LSM14A: variants seen among roughly 807,000 people sequenced by gnomAD.
LSM14A encodes the protein LSM14A mRNA processing body assembly factor.
In LSM14A, 14 loss-of-function variants were observed where a neutral mutation model predicts 52.4. The ratio of observed to expected loss-of-function variants is 0.27; its 90% confidence interval spans 0.18 to 0.42. LSM14A has a LOEUF of 0.42. Among genes scored for constraint, LSM14A ranks in the 10% least tolerant of loss-of-function variants. The probability of loss-of-function intolerance (pLI) is 1.00; values close to 1 mark genes in which losing one functional copy is unlikely to be tolerated. For missense variants in LSM14A, 417 were observed against 581.8 expected (o/e 0.72, Z 2.91); for synonymous variants, 185 against 200.3 (o/e 0.92, Z 0.64).
intron 9 of LSM14A, among the ~76,000 whole-genome samples, chr19:34,222,866 G>A (rs1184742385): frequency 2.0e-5 from 3 of 152,032 alleles, no homozygotes; most frequent in Non-Finnish European, 4.4e-5. Flanking sequence ...AATAGCCCTC[G>A]CTTATCACTG....
chr19:34,227,300 A>G, intron 9 of LSM14A, 65 bp from the exon 10 acceptor site: 1 of 1,092,032 alleles, frequency 9.2e-7, no homozygotes, highest in Non-Finnish European at 1.4e-6. Flanking sequence ...AAACTTGAGC[A>G]AAGTAAAAAG....
chr19:34,210,790 T>C (rs567771500), intron 4 of LSM14A, among the ~76,000 whole-genome samples: 2 of 151,518 alleles, frequency 1.3e-5, no homozygotes, highest in African/African-American at 4.8e-5. Flanking sequence ...AAGGCTGGTC[T>C]GGAACTCCTG....
intron 1 of LSM14A, among the ~76,000 whole-genome samples, chr19:34,178,371 G>A (rs542104926): frequency 1.6e-4 from 24 of 152,204 alleles, no homozygotes; most frequent in Admixed American, 3.9e-4. Flanking sequence ...TTTGATCCTC[G>A]GAACCTAAGC....
chr19:34,221,115 T>C (rs952102777), intron 8 of LSM14A, among the ~76,000 whole-genome samples: 1 of 145,068 alleles, frequency 6.9e-6, no homozygotes, highest in African/African-American at 2.6e-5. Context: ...GGAGTTTCGC[T>C]CTTGTCACCC....
At chr19:34,221,064 A>G (rs894421881) in intron 8 of LSM14A, among the ~76,000 whole-genome samples, 3 of 150,298 alleles carry the variant, frequency 2.0e-5, no homozygotes, top group Non-Finnish European at 3.0e-5. Context: ...ACAACTCGTG[A>G]TAACTTAGAT....
chr19:34,189,794 A>G (rs1311103631), intron 1 of LSM14A, among the ~76,000 whole-genome samples: 1 of 152,184 alleles, frequency 6.6e-6, no homozygotes, highest in Non-Finnish European at 1.5e-5. Context: ...TTTAAGCACT[A>G]ATGTAAACCT....
At chr19:34,210,773 T>C (rs1489682965) in intron 4 of LSM14A, among the ~76,000 whole-genome samples, 2 of 151,300 alleles carry the variant, frequency 1.3e-5, no homozygotes, top group East Asian at 4.0e-4. Context: ...GGTTTCGCCA[T>C]GTTGCCAAGG....
chr19:34,199,011 CAG>C (rs1208180556), intron 3 of LSM14A, among the ~76,000 whole-genome samples: 1 of 151,930 alleles, frequency 6.6e-6, no homozygotes, highest in Non-Finnish European at 1.5e-5. Flanking sequence ...AAAAACCACA[CAG>C]AGGAAAAAAT....
intron 4 of LSM14A, 36 bp from the exon 5 acceptor site, chr19:34,215,088 A>G: frequency 4.5e-6 from 7 of 1,556,180 alleles, no homozygotes; most frequent in Non-Finnish European, 6.1e-6. Flanking sequence ...TGAAATCCCC[A>G]ATAGGGTAGT....
intron 4 of LSM14A, among the ~76,000 whole-genome samples, chr19:34,212,322 C>T (rs185961453): frequency 6.6e-6 from 1 of 152,108 alleles, no homozygotes; most frequent in African/African-American, 2.4e-5. Context: ...AAGAATTCAT[C>T]TTAAAAGAAT....
intron 4 of LSM14A, 144 bp downstream of exon 4, chr19:34,209,195 A>G: frequency 1.7e-6 from 1 of 572,936 alleles, no homozygotes; most frequent in Non-Finnish European, 3.0e-6. Flanking sequence ...AAATCGCTGT[A>G]TTGCAATGAA....
chr19:34,173,085 C>G (rs749179903), intron 1 of LSM14A, among the ~76,000 whole-genome samples: 6 of 152,252 alleles, frequency 3.9e-5, no homozygotes, highest in Non-Finnish European at 8.8e-5. Flanking sequence ...GGGCTTCTGC[C>G]GTCTTAGCAC....
chr19:34,213,461 A>G (rs945975426), intron 4 of LSM14A, among the ~76,000 whole-genome samples: 3 of 152,246 alleles, frequency 2.0e-5, no homozygotes, highest in Admixed American at 2.0e-4. Flanking sequence ...TCCCTGAATC[A>G]TCTAGGTACA....
intron 4 of LSM14A, 67 bp downstream of exon 4, chr19:34,209,118 G>GT: frequency 7.3e-7 from 1 of 1,377,574 alleles, no homozygotes; most frequent in Non-Finnish European, 9.8e-7. Flanking sequence ...CTTTCTGAAT[G>GT]TAAGAGCTTT....
rs189916947 is a variant in LSM14A, at chr19:34,193,221, C to T, written c.122-1257C>T. On this transcript the variant is annotated intron_variant, in intron 1 of 9. Coordinates refer to ENST00000544216, the MANE Select transcript of LSM14A (RefSeq NM_015578.4). ...TGTCACCCAGGCTGCAGTGCAGCCA[C>T]GCTTCAGTACAGCCTCAATCTCCCA... Among the ~76,000 whole-genome samples the T allele has an allele frequency of 6.0e-4, 91 of 152,308 alleles. 1 individual carries two copies. The East Asian group carries it at 0.013, about 22-fold the overall frequency.
intron 9 of LSM14A, among the ~76,000 whole-genome samples, chr19:34,222,774 G>A (rs868043041): frequency 3.3e-5 from 5 of 152,148 alleles, no homozygotes; most frequent in Non-Finnish European, 5.9e-5. Flanking sequence ...CCATCCAGCC[G>A]TTGGTGGCCT....
At position 34,194,481 on chromosome 19, in the gene LSM14A, G is replaced by T. The variant is rs2070703623; in HGVS notation, c.125G>T (p.Arg42Leu). 3 of 1,613,714 alleles carry T rather than the reference G, an allele frequency of 1.9e-6. No homozygotes were observed. In the South Asian group the frequency reaches 3.3e-5, roughly 18 times the overall value. ...ENSTVALAKV[R>L]SFGTEDRPTD... ...ATATCCTTTGTTTTCTTGCCAGTTC[G>T]ATCCTTTGGTACAGAAGACAGACCG... The change falls in exon 2 of 10, where the codon CGA becomes CTA. Residue 42 changes from arginine (R) to leucine (L), a missense_variant. Arg to Leu is a moderately radical substitution (Grantham distance 102). Transcript: ENST00000544216.
At chr19:34,180,071 C>G (rs1367897758) in intron 1 of LSM14A, among the ~76,000 whole-genome samples, 2 of 152,154 alleles carry the variant, frequency 1.3e-5, no homozygotes, top group African/African-American at 2.4e-5. Context: ...AGGCACACAC[C>G]ACCACACCCA....
intron 1 of LSM14A, among the ~76,000 whole-genome samples, chr19:34,175,217 G>A (rs950226269): frequency 1.3e-5 from 2 of 151,244 alleles, no homozygotes; most frequent in African/African-American, 4.9e-5. Flanking sequence ...ATCATTATAT[G>A]CTTTTTCTTT....
Sources: gnomAD v4.1 joint callset for allele counts (sites outside exome capture counted in the v4.1 genomes callset) on GRCh38, gnomAD v4.1.1 for gene constraint, MANE v1.5 for transcripts, NCBI Gene and HGNC (gene_info 2026-07-23, HGNC 2026-07-21) for gene names.